The following PDE1C variants were observed in gnomAD, a reference collection of about 807,000 sequenced individuals.
The protein encoded by PDE1C is phosphodiesterase 1C.
A neutral mutation model predicts 93.1 loss-of-function variants in PDE1C; 62 were observed. The ratio of observed to expected loss-of-function variants is 0.67; its 90% CI spans 0.54 to 0.82. PDE1C has a LOEUF of 0.82. PDE1C is among the 40% of genes least tolerant of loss of function. PDE1C has a pLI of 0.00. For synonymous variants in PDE1C, 325 were observed against 310.1 expected (o/e 1.05, Z -0.50); for missense variants, 742 against 884.6 (o/e 0.84, Z 2.04).
chr7:31,698,815 C>T, the PDE1C span, among the ~76,000 whole-genome samples: 11 of 152,108 alleles, frequency 7.2e-5, no homozygotes, highest in Non-Finnish European at 1.5e-4. Context: ...CACAGGAAAT[C>T]CTTTCCGAGG....
intron 2 of PDE1C, among the ~76,000 whole-genome samples, chr7:31,986,057 T>C (rs1783359972): frequency 6.6e-6 from 1 of 152,168 alleles, no homozygotes; most frequent in Non-Finnish European, 1.5e-5. Flanking sequence ...TTGAATTATT[T>C]TCTCAGGACT....
At chr7:31,722,520 T>C in the PDE1C span, among the ~76,000 whole-genome samples, 1 of 152,172 alleles carries the variant, frequency 6.6e-6, no homozygotes, top group Non-Finnish European at 1.5e-5. Context: ...TACACGCTTA[T>C]ACTGGCTACA....
At chr7:31,964,656 T>G (rs1476295757) in intron 2 of PDE1C, among the ~76,000 whole-genome samples, 1 of 152,184 alleles carries the variant, frequency 6.6e-6, no homozygotes, top group East Asian at 1.9e-4. Context: ...GCAGACTGCC[T>G]CCTCAAGTGG....
At chr7:31,784,285 A>G (rs570371006) in intron 16 of PDE1C, 1 of 152,168 alleles carries the variant, frequency 6.6e-6, no homozygotes, top group African/African-American at 2.4e-5. Flanking sequence ...AAAGAGAAAA[A>G]CCCTGTGAGA....
At chr7:32,422,766 T>G (rs1785458457) in intron 1 of PDE1C, among the ~76,000 whole-genome samples, 1 of 152,170 alleles carries the variant, frequency 6.6e-6, no homozygotes, top group Non-Finnish European at 1.5e-5. Flanking sequence ...AAATTTACCC[T>G]AAAATGTTAA....
intron 2 of PDE1C, among the ~76,000 whole-genome samples, chr7:31,972,153 A>T (rs1397694396): frequency 1.3e-5 from 2 of 152,206 alleles, no homozygotes; most frequent in East Asian, 1.9e-4. Flanking sequence ...TGCCAATGAT[A>T]ATTTAAACTG....
intron 3 of PDE1C, among the ~76,000 whole-genome samples, chr7:32,082,117 G>A (rs1313810052): frequency 3.9e-5 from 5 of 128,492 alleles, no homozygotes; most frequent in African/African-American, 1.1e-4. Context: ...GTCAAAGAAA[G>A]GGGTGACAGA....
intron 2 of PDE1C, among the ~76,000 whole-genome samples, chr7:32,003,786 A>G (rs1785790526): frequency 6.6e-6 from 1 of 152,200 alleles, no homozygotes; most frequent in South Asian, 2.1e-4. Context: ...CATATGTCAC[A>G]CACTGTTTCA....
At chr7:31,804,575 T>C (rs1009029100) in intron 16 of PDE1C, among the ~76,000 whole-genome samples, 2 of 151,856 alleles carry the variant, frequency 1.3e-5, no homozygotes, top group Non-Finnish European at 2.9e-5. Context: ...ACAATTGCAT[T>C]GATAGAAGAT....
intron 1 of PDE1C, among the ~76,000 whole-genome samples, chr7:32,225,271 T>A (rs191948793): frequency 1.8e-4 from 27 of 152,178 alleles, no homozygotes; most frequent in African/African-American, 5.3e-4. Flanking sequence ...CGCACCTGAT[T>A]GGTTTTTCTT....
intron 17 of PDE1C, among the ~76,000 whole-genome samples, chr7:31,759,100 T>C (rs566321894): frequency 2.6e-5 from 4 of 152,320 alleles, no homozygotes; most frequent in Admixed American, 6.5e-5. Flanking sequence ...GAAATACTTA[T>C]ATGGCTGCTG....
the PDE1C span, among the ~76,000 whole-genome samples, chr7:31,683,018 G>C: frequency 6.6e-6 from 1 of 152,204 alleles, no homozygotes; most frequent in Non-Finnish European, 1.5e-5. Flanking sequence ...GGCTGTAAAA[G>C]AGCAACAGGA....
chr7:31,949,765 G>A (rs1386020253), intron 2 of PDE1C, among the ~76,000 whole-genome samples: 1 of 152,018 alleles, frequency 6.6e-6, no homozygotes, highest in African/African-American at 2.4e-5. Context: ...GACTTAATAG[G>A]GTAATCTGGA....
downstream of PDE1C, among the ~76,000 whole-genome samples, chr7:31,750,515 A>G (rs536775325): frequency 2.6e-5 from 4 of 152,340 alleles, 1 homozygote; most frequent in South Asian, 8.3e-4. Flanking sequence ...TGTCCAAGAA[A>G]TAATAGCTAA....
At chr7:31,960,035 T>TC (rs1316290104) in intron 2 of PDE1C, among the ~76,000 whole-genome samples, 3 of 151,610 alleles carry the variant, frequency 2.0e-5, no homozygotes, top group Non-Finnish European at 4.4e-5. Context: ...ACAGCTATTT[T>TC]TTTTTTGTAT....
intron 16 of PDE1C, chr7:31,790,271 A>G (rs562203863): frequency 6.2e-7 from 1 of 1,608,818 alleles, no homozygotes; most frequent in Admixed American, 1.7e-5. Context: ...TGAAAAAAAG[A>G]AAAAGAAAAA....
chr7:31,856,876 A>G, intron 7 of PDE1C, among the ~76,000 whole-genome samples: 1 of 152,108 alleles, frequency 6.6e-6, no homozygotes, highest in Non-Finnish European at 1.5e-5. Flanking sequence ...TCTGGAGGAG[A>G]AAAGTCCAAA....
chr7:31,748,167 G>A (rs1794045836), downstream of PDE1C, among the ~76,000 whole-genome samples: 1 of 152,186 alleles, frequency 6.6e-6, no homozygotes, highest in Non-Finnish European at 1.5e-5. Context: ...AAGCAAGAGG[G>A]AATCAACTAT....
chr7:32,091,975 G>T (rs553115307), intron 3 of PDE1C, among the ~76,000 whole-genome samples: 1 of 152,182 alleles, frequency 6.6e-6, no homozygotes, highest in Non-Finnish European at 1.5e-5. Flanking sequence ...TTCTGGATAC[G>T]TGAGAGAAGA....
Sources: allele counts gnomAD v4.1 joint callset (sites outside exome capture counted in the v4.1 genomes callset), GRCh38; gene constraint gnomAD v4.1.1; transcripts MANE v1.5; gene names NCBI Gene and HGNC (gene_info 2026-07-23, HGNC 2026-07-21).